Variants in GGTA1 observed in about 807,000 individuals in gnomAD.
GGTA1 encodes the protein glycoprotein alpha-galactosyltransferase 1 (inactive).
GGTA1 carries 5 observed loss-of-function variants against 2.6 expected under a neutral mutation model. That is an observed-to-expected ratio of 1.92 (90% CI 1.00 to 4.04). The LOEUF (loss-of-function observed/expected upper bound fraction) is 4.04, where lower values mean the gene tolerates loss of function less well. Among genes scored for constraint, GGTA1 ranks in the 30% most tolerant of loss-of-function variants. The pLI is 0.00. For missense variants in GGTA1, 50 were observed against 16.7 expected, an observed-to-expected ratio of 2.99 and a Z score of -3.47; for synonymous variants, 17 against 5.0, an observed-to-expected ratio of 3.38 and a Z score of -3.19.
At chr9:121,479,152 C>A in intron 1 of GGTA1, 1 of 455,732 alleles carries the variant, frequency 2.2e-6, no homozygotes, top group Non-Finnish European at 4.4e-6. Flanking sequence ...ACTGAGGGGG[C>A]CACCGAGAGT....
rs564338570 is a variant in GGTA1 at position 121,473,059 on chromosome 9, C to T, written c.-9-5128G>A. Reference sequence around the variant, plus strand: ...TTACAATTGGATGACCGGGTGCAAACCTGTAATCTCAGCACTTTGGGAGGC... The same window carrying T: ...TTACAATTGGATGACCGGGTGCAAATCTGTAATCTCAGCACTTTGGGAGGC... On this transcript the variant is annotated intron_variant, in intron 1 of 5. Coordinates refer to ENST00000481799, the MANE Select transcript of GGTA1 (RefSeq NM_001382585.1). Among the ~76,000 whole-genome samples the T allele has an allele frequency of 3.3e-5, 5 of 152,256 alleles. No homozygotes were observed. In the East Asian group the frequency reaches 7.7e-4, roughly 23 times the overall value.
At chr9:121,458,374 T>C (rs1003667859) in intron 5 of GGTA1, among the ~76,000 whole-genome samples, 2 of 150,788 alleles carry the variant, frequency 1.3e-5, no homozygotes, top group Admixed American at 1.3e-4. Context: ...ATGCCTGTAA[T>C]CCTAGCACTT....
Position 121,463,286 on chromosome 9 carries a change from C to T in GGTA1, c.116+7G>A, listed in dbSNP as rs945962037. ...TCCCCTAGAAATCTAGAATTCAAAG[C>T]ACTTACTTTGAGTGATATATCCACA... On this transcript the variant is annotated splice_region_variant and intron_variant, in intron 3 of 5. Coordinates refer to ENST00000481799, the MANE Select transcript of GGTA1 (RefSeq NM_001382585.1). 4.4e-6 allele frequency: 2 copies of T among 453,408 alleles called. No homozygotes were observed. Among genetic ancestry groups the T allele is most frequent in the African/African-American group, 2.0e-5 (1 of 49,816 alleles). 28.1% of individuals were successfully genotyped at this position (453,408 alleles called of 1,614,324 possible). A position where few individuals can be genotyped will look rare whatever the true frequency, so the allele number is the denominator to read the frequency against.
At chr9:121,490,841 G>A (rs1190275241) in intron 1 of GGTA1, among the ~76,000 whole-genome samples, 3 of 152,128 alleles carry the variant, frequency 2.0e-5, no homozygotes, top group Non-Finnish European at 4.4e-5. Flanking sequence ...ATCTCCCTCT[G>A]TTGCATACAA....
chr9:121,453,724 C>T (rs16910617), downstream of GGTA1, among the ~76,000 whole-genome samples: 1,670 of 152,306 alleles, frequency 0.011, 26 homozygotes, highest in East Asian at 0.081. Context: ...GTCAAGGAGA[C>T]GTTAGCAAAT....
chr9:121,446,024 G>T (rs2064850733), exon 8 of GGTA1: 1 of 152,182 alleles, frequency 6.6e-6, no homozygotes, highest in African/African-American at 2.4e-5. Flanking sequence ...GCAGAGTCTG[G>T]TAGACTGAAT....
At chr9:121,449,187 A>G (rs926057489) in intron 7 of GGTA1, among the ~76,000 whole-genome samples, 3 of 152,212 alleles carry the variant, frequency 2.0e-5, no homozygotes, top group Non-Finnish European at 2.9e-5. Flanking sequence ...TCATTTTTCT[A>G]TTCACCTACC....
At chr9:121,453,972 G>A (rs573518381), downstream of GGTA1, among the ~76,000 whole-genome samples, 122 of 152,114 alleles carry the variant, frequency 8.0e-4, 1 homozygote, top group Non-Finnish European at 1.5e-3. Context: ...CACCCCAGCC[G>A]CAGGCATGAC....
At chr9:121,466,964 A>T (rs1564653239) in intron 2 of GGTA1, among the ~76,000 whole-genome samples, 1 of 152,032 alleles carries the variant, frequency 6.6e-6, no homozygotes, top group East Asian at 1.9e-4. Context: ...AAAAAAAAAA[A>T]AAAAAAAGAA....
At chr9:121,490,667 TACTC>T (rs1055430815) in intron 1 of GGTA1, among the ~76,000 whole-genome samples, 3 of 152,244 alleles carry the variant, frequency 2.0e-5, no homozygotes, top group Admixed American at 2.0e-4. Flanking sequence ...AGAGCAACGT[TACTC>T]ACAGCAGCAA....
At chr9:121,493,510 G>A (rs542444987) in intron 1 of GGTA1, among the ~76,000 whole-genome samples, 341 of 152,258 alleles carry the variant, frequency 2.2e-3, no homozygotes, top group Non-Finnish European at 3.8e-3. Context: ...TGAGGCTCAC[G>A]TGAGATGAGT....
intron 1 of GGTA1, among the ~76,000 whole-genome samples, chr9:121,477,482 G>C (rs1309633705): frequency 1.3e-5 from 2 of 151,700 alleles, no homozygotes; most frequent in Non-Finnish European, 2.9e-5. Context: ...GTTATATTTG[G>C]AATGTTTGTC....
chr9:121,452,557 C>G (rs2064883791), downstream of GGTA1, among the ~76,000 whole-genome samples: 1 of 151,748 alleles, frequency 6.6e-6, no homozygotes, highest in Non-Finnish European at 1.5e-5. Context: ...CTCGCTCTGT[C>G]ACCCAGGCTG....
chr9:121,452,653 G>C (rs2064884272), downstream of GGTA1, among the ~76,000 whole-genome samples: 5 of 151,968 alleles, frequency 3.3e-5, no homozygotes, highest in Admixed American at 3.3e-4. Flanking sequence ...CAAGTAGCTG[G>C]GATTATAAGC....
intron 1 of GGTA1, among the ~76,000 whole-genome samples, chr9:121,472,188 G>T (rs892074546): frequency 6.6e-5 from 10 of 152,094 alleles, no homozygotes; most frequent in African/African-American, 2.4e-4. Flanking sequence ...CATAAATATT[G>T]ATGTATTTTA....
At chr9:121,467,958 A>G (rs1461689228) in intron 1 of GGTA1, 27 bp from the exon 2 acceptor site, 1 of 453,196 alleles carries the variant, frequency 2.2e-6, no homozygotes, top group South Asian at 1.6e-5. Flanking sequence ...GGGGAGAAAA[A>G]AAGAGAACAG....
intron 1 of GGTA1, among the ~76,000 whole-genome samples, chr9:121,490,231 C>T (rs1828848061): frequency 6.6e-6 from 1 of 152,154 alleles, no homozygotes. Flanking sequence ...TACCGCATGC[C>T]AGGCAATAGA....
At chr9:121,483,693 C>T (rs555333636) in intron 1 of GGTA1, among the ~76,000 whole-genome samples, 1 of 152,110 alleles carries the variant, frequency 6.6e-6, no homozygotes, top group East Asian at 1.9e-4. Flanking sequence ...TCTTCCACAT[C>T]CTGAGTTGGA....
chr9:121,460,670 C>T (rs577746223), intron 4 of GGTA1, among the ~76,000 whole-genome samples: 1 of 152,174 alleles, frequency 6.6e-6, no homozygotes, highest in Admixed American at 6.5e-5. Flanking sequence ...CGTGGTGAAA[C>T]CCTGTCTCTA....
Sources: gnomAD v4.1 joint callset for allele counts (sites outside exome capture counted in the v4.1 genomes callset) on GRCh38, gnomAD v4.1.1 for gene constraint, MANE v1.5 for transcripts, NCBI Gene and HGNC (gene_info 2026-07-23, HGNC 2026-07-21) for gene names.